LHFPL6: variants seen among roughly 807,000 people sequenced by gnomAD.
LHFPL6 encodes LHFPL tetraspan subfamily member 6 protein.
A neutral mutation model predicts 20.6 loss-of-function variants in LHFPL6; 9 were observed. The ratio of observed to expected loss-of-function variants is 0.44; its 90% CI spans 0.26 to 0.76. The LOEUF (loss-of-function observed/expected upper bound fraction) is 0.76, where lower values mean the gene tolerates loss of function less well. LHFPL6 is among the 30% of genes least tolerant of loss of function. LHFPL6 has a pLI of 0.20. For missense variants in LHFPL6, 218 were observed against 253.5 expected, an observed-to-expected ratio of 0.86 and a Z score of 0.95; for synonymous variants, 105 against 98.7, an observed-to-expected ratio of 1.06 and a Z score of -0.38.
chr13:39,460,016 A>C (rs1872653440), intron 2 of LHFPL6, among the ~76,000 whole-genome samples: 1 of 152,130 alleles, frequency 6.6e-6, no homozygotes, highest in African/African-American at 2.4e-5. Flanking sequence ...AAAAAGATAT[A>C]TGTCTTTGTA....
intron 2 of LHFPL6, among the ~76,000 whole-genome samples, chr13:39,384,409 T>C (rs1385835631): frequency 6.6e-6 from 1 of 152,200 alleles, no homozygotes; most frequent in African/African-American, 2.4e-5. Flanking sequence ...TAGTATTTTG[T>C]TGTCTATACT....
At chr13:39,344,372 T>C (rs1289644061) in intron 3 of LHFPL6, among the ~76,000 whole-genome samples, 1 of 152,148 alleles carries the variant, frequency 6.6e-6, no homozygotes, top group African/African-American at 2.4e-5. Context: ...GAGTTAATTG[T>C]AACTTACATC....
At chr13:39,398,015 T>A (rs865907648) in intron 2 of LHFPL6, among the ~76,000 whole-genome samples, 2 of 152,192 alleles carry the variant, frequency 1.3e-5, no homozygotes, top group South Asian at 4.1e-4. Flanking sequence ...GGAGGCAGCA[T>A]CTCAGCCAAA....
At chr13:39,475,530 G>A (rs1010149244) in intron 2 of LHFPL6, among the ~76,000 whole-genome samples, 1 of 151,558 alleles carries the variant, frequency 6.6e-6, no homozygotes, top group Admixed American at 6.6e-5. Flanking sequence ...GATTTAACAT[G>A]CCCACCAAAA....
intron 2 of LHFPL6, among the ~76,000 whole-genome samples, chr13:39,466,888 T>C (rs1376154328): frequency 1.3e-5 from 2 of 152,216 alleles, no homozygotes; most frequent in Non-Finnish European, 2.9e-5. Context: ...ATGTCAAATA[T>C]ATAAGAGCTA....
intron 2 of LHFPL6, among the ~76,000 whole-genome samples, chr13:39,516,654 G>A (rs766669969): frequency 2.0e-5 from 3 of 152,210 alleles, no homozygotes; most frequent in African/African-American, 4.8e-5. Context: ...AAGAAAACTC[G>A]TCTGAGCTAA....
intron 2 of LHFPL6, among the ~76,000 whole-genome samples, chr13:39,486,531 C>G (rs1396911078): frequency 6.6e-6 from 1 of 152,158 alleles, no homozygotes; most frequent in African/African-American, 2.4e-5. Context: ...TTATAGGTCA[C>G]CAATGGGAGC....
In LHFPL6 at chr13:39,575,342, A is replaced by C. The variant is rs552996913; in HGVS notation, c.385+25490T>G. 1.2e-4 allele frequency among the ~76,000 whole-genome samples: 19 copies of C among 152,314 alleles called. No individual in the cohort carries two copies. The South Asian group carries it at 3.1e-3, about 25-fold the overall frequency. Reference sequence around the variant, plus strand: ...TACCCTTACTTGTATTTCAGACTTTAGCGCACAGTTAAGGAACGATTTTTA... The same window carrying C: ...TACCCTTACTTGTATTTCAGACTTTCGCGCACAGTTAAGGAACGATTTTTA... On this transcript the variant is annotated intron_variant, in intron 2 of 3. Coordinates refer to ENST00000379589, the MANE Select transcript of LHFPL6 (RefSeq NM_005780.3).
At chr13:39,351,254 C>T (rs1052265337) in intron 3 of LHFPL6, among the ~76,000 whole-genome samples, 3 of 152,202 alleles carry the variant, frequency 2.0e-5, no homozygotes, top group African/African-American at 7.2e-5. Flanking sequence ...TGAAGGGCTA[C>T]AAGTTATGAA....
intron 3 of LHFPL6, among the ~76,000 whole-genome samples, chr13:39,369,964 T>C (rs1489130661): frequency 6.6e-6 from 1 of 152,158 alleles, no homozygotes; most frequent in Non-Finnish European, 1.5e-5. Flanking sequence ...TACTAAGTTA[T>C]AAAATAGAAA....
chr13:39,470,265 AC>A (rs112078112), intron 2 of LHFPL6, among the ~76,000 whole-genome samples: 53 of 152,174 alleles, frequency 3.5e-4, no homozygotes, highest in African/African-American at 1.3e-3. Flanking sequence ...AAGTGCAAAA[AC>A]CCCCAAATCT....
chr13:39,441,750 C>A (rs908031897), intron 2 of LHFPL6, among the ~76,000 whole-genome samples: 1 of 151,178 alleles, frequency 6.6e-6, no homozygotes, highest in Non-Finnish European at 1.5e-5. Context: ...TGGGCTCAAG[C>A]AATCTGCCTG....
At chr13:39,589,349 C>T (rs1487021642) in intron 2 of LHFPL6, among the ~76,000 whole-genome samples, 1 of 152,140 alleles carries the variant, frequency 6.6e-6, no homozygotes, top group Non-Finnish European at 1.5e-5. Flanking sequence ...TCACGATCTG[C>T]CCACCTCGGC....
At chr13:39,523,828 T>C (rs1413959595) in intron 2 of LHFPL6, among the ~76,000 whole-genome samples, 2 of 152,174 alleles carry the variant, frequency 1.3e-5, no homozygotes, top group Non-Finnish European at 2.9e-5. Flanking sequence ...AGGCTGGTAT[T>C]AGAATAAATA....
chr13:39,402,212 AAATT>A (rs1226917162), intron 2 of LHFPL6, among the ~76,000 whole-genome samples: 5 of 152,114 alleles, frequency 3.3e-5, no homozygotes, highest in African/African-American at 1.2e-4. Flanking sequence ...TGCTTTTTTA[AAATT>A]AATTAATTAA....
intron 2 of LHFPL6, among the ~76,000 whole-genome samples, chr13:39,447,048 T>G (rs1421161754): frequency 6.6e-6 from 1 of 152,172 alleles, no homozygotes; most frequent in African/African-American, 2.4e-5. Context: ...CCAAATCCTT[T>G]CAAACCACAA....
rs111646111 is a variant in LHFPL6 at position 39,426,314 on chromosome 13, G to A, written c.386-47788C>T. On this transcript the variant is annotated intron_variant, in intron 2 of 3. Coordinates refer to ENST00000379589, the MANE Select transcript of LHFPL6 (RefSeq NM_005780.3). ...CGGCTCACTACAACCTCCACCTCCCGGGTTCAAGCGATTCTCCTGCCTCAG... is the reference window on the plus strand; with the variant it reads ...CGGCTCACTACAACCTCCACCTCCCAGGTTCAAGCGATTCTCCTGCCTCAG... 8.5e-3 allele frequency among the ~76,000 whole-genome samples: 1,278 copies of A among 150,968 alleles called. 16 individuals carry two copies. Among genetic ancestry groups the A allele is most frequent in the African/African-American group, 0.026 (1,082 of 41,080 alleles).
intron 2 of LHFPL6, among the ~76,000 whole-genome samples, chr13:39,548,172 CATAATATTTCCCAGGTA>C (rs139004422): frequency 0.38 from 56,961 of 151,678 alleles, 11,567 homozygotes; most frequent in African/African-American, 0.53. Flanking sequence ...ATTATGAAAA[CATAATATTTCCCAGGTA>C]ATACCTGGGA....
At chr13:39,574,109 T>C (rs773718217) in intron 2 of LHFPL6, among the ~76,000 whole-genome samples, 1 of 152,254 alleles carries the variant, frequency 6.6e-6, no homozygotes, top group Non-Finnish European at 1.5e-5. Flanking sequence ...AGTAGCCTGC[T>C]GCATACTCCT....
Sources: gnomAD v4.1 joint callset for allele counts (sites outside exome capture counted in the v4.1 genomes callset) on GRCh38, gnomAD v4.1.1 for gene constraint, MANE v1.5 for transcripts, NCBI Gene and HGNC (gene_info 2026-07-23, HGNC 2026-07-21) for gene names.